Variants in FAM53B observed in about 807,000 individuals in gnomAD.
FAM53B encodes protein FAM53B.
In FAM53B, 12 loss-of-function variants were observed where a neutral mutation model predicts 32.7. That is an observed-to-expected ratio of 0.37 (90% CI 0.24 to 0.59). The LOEUF (loss-of-function observed/expected upper bound fraction) is 0.59, where lower values mean the gene tolerates loss of function less well. Among genes scored for constraint, FAM53B ranks in the 20% least tolerant of loss-of-function variants. The pLI is 0.72. For missense variants in FAM53B, 477 were observed against 577.7 expected, an observed-to-expected ratio of 0.83 and a Z score of 1.79; for synonymous variants, 234 against 228.7, an observed-to-expected ratio of 1.02 and a Z score of -0.21.
intron 4 of FAM53B, among the ~76,000 whole-genome samples, chr10:124,642,365 C>T (rs967649024): frequency 6.6e-5 from 10 of 152,184 alleles, no homozygotes; most frequent in Non-Finnish European, 1.2e-4. Context: ...AACGCCTCTC[C>T]GGTGGTTGTG....
Position 124,622,150 on chromosome 10 carries a change from C to T in FAM53B, c.*1092G>A, listed in dbSNP as rs535049471. The T allele has an allele frequency of 1.2e-4, 19 of 152,264 alleles. No individual in the cohort carries two copies. Among genetic ancestry groups the T allele is most frequent in the East Asian group, 3.9e-4 (2 of 5,170 alleles). The allele number at this position is 152,264 out of a possible 1,614,324, so 9.4% of individuals were successfully genotyped here. ...TGGGCTCCCCCTAAGCTGACAAGGGCGTGGGCTTGTCTTGAGGTGGGTGAT... is the reference window on the plus strand; with the variant it reads ...TGGGCTCCCCCTAAGCTGACAAGGGTGTGGGCTTGTCTTGAGGTGGGTGAT... On this transcript the variant is annotated 3_prime_UTR_variant, in exon 5 of 5. Transcript: ENST00000337318.
chr10:124,670,360 G>A (rs1305546422), intron 4 of FAM53B, among the ~76,000 whole-genome samples: 1 of 152,122 alleles, frequency 6.6e-6, no homozygotes, highest in African/African-American at 2.4e-5. Flanking sequence ...TAGCAGTCAG[G>A]TAAGGCAGGT....
chr10:124,743,521 T>C (rs532034513), intron 1 of FAM53B, among the ~76,000 whole-genome samples: 1 of 151,782 alleles, frequency 6.6e-6, no homozygotes, highest in African/African-American at 2.4e-5. Flanking sequence ...ACCCCGGGGG[T>C]GGCGGGTGCA....
chr10:124,690,162 T>C (rs1949825000), intron 3 of FAM53B, among the ~76,000 whole-genome samples: 1 of 152,212 alleles, frequency 6.6e-6, no homozygotes, highest in Non-Finnish European at 1.5e-5. Flanking sequence ...GCAGAGCTTT[T>C]CACGAAACTG....
chr10:124,704,336 G>A (rs1169186584), intron 2 of FAM53B: 1 of 152,252 alleles, frequency 6.6e-6, no homozygotes, highest in East Asian at 1.9e-4. Flanking sequence ...CAACAAGTAA[G>A]AGAGACATCC....
intron 4 of FAM53B, among the ~76,000 whole-genome samples, chr10:124,630,214 A>G (rs528114638): frequency 1.3e-5 from 2 of 152,356 alleles, no homozygotes; most frequent in Admixed American, 6.5e-5. Flanking sequence ...GGAGTTTGAG[A>G]TCAGCCTGGG....
chr10:124,732,193 T>C (rs1950147970), intron 1 of FAM53B, among the ~76,000 whole-genome samples: 1 of 152,192 alleles, frequency 6.6e-6, no homozygotes, highest in Non-Finnish European at 1.5e-5. Context: ...GTGCCTGGGC[T>C]CCAGCTCTCG....
intron 1 of FAM53B, among the ~76,000 whole-genome samples, chr10:124,734,335 T>C (rs1034628715): frequency 6.6e-6 from 1 of 152,196 alleles, no homozygotes; most frequent in African/African-American, 2.4e-5. Flanking sequence ...TTACTCCACA[T>C]TGATTGAACT....
rs79363634 is a variant in FAM53B at position 124,662,461 on chromosome 10, C to CCCAT, written c.906+19142_906+19145dup. Among the ~76,000 whole-genome samples, 681 of 119,880 alleles carry CCCAT rather than the reference C, an allele frequency of 5.7e-3. 8 individuals are homozygous for CCCAT. Among genetic ancestry groups the CCCAT allele is most frequent in the African/African-American group, 0.017 (592 of 34,666 alleles). The allele number at this position is 119,880 out of a possible 152,430, so 78.6% of individuals were successfully genotyped here. A position where few individuals can be genotyped will look rare whatever the true frequency, so the allele number is the denominator to read the frequency against. On this transcript the variant is annotated intron_variant, in intron 4 of 4. Coordinates refer to ENST00000337318, the MANE Select transcript of FAM53B (RefSeq NM_014661.4). ...ATCCACCCACCCACACACCCACCCA[C>CCCAT]CCATCCATCCATCCATCCATCCATC...
intron 3 of FAM53B, among the ~76,000 whole-genome samples, chr10:124,688,432 C>T (rs935125875): frequency 3.9e-5 from 6 of 152,236 alleles, no homozygotes; most frequent in African/African-American, 1.4e-4. Flanking sequence ...AGAGCGTGTG[C>T]ATTTGTGTGT....
At chr10:124,674,958 A>G (rs1038119274) in intron 4 of FAM53B, among the ~76,000 whole-genome samples, 7 of 152,226 alleles carry the variant, frequency 4.6e-5, no homozygotes, top group African/African-American at 1.7e-4. Flanking sequence ...GGGGCCTCCC[A>G]GAGTCTCATA....
Position 124,651,574 on chromosome 10 carries a change from C to T in FAM53B, c.907-27970G>A, listed in dbSNP as rs572236240. 6.6e-6 allele frequency among the ~76,000 whole-genome samples: 1 copy of T among 152,332 alleles called. No homozygotes were observed. The highest frequency in any genetic ancestry group is 2.4e-5 in the African/African-American group (1 of 41,588). ...CACCAGGGACCTGGACTATGCACCC[C>T]ACTCCTCCTGCTGCTCTCCCCTGCC... is the stretch of plus-strand genomic sequence containing the variant. On this transcript the variant is annotated intron_variant, in intron 4 of 4. Coordinates refer to ENST00000337318, the MANE Select transcript of FAM53B (RefSeq NM_014661.4). This position sits in a 1 kb window ranked among gnomAD's most constrained non-coding sequence, Gnocchi z 5.2.
chr10:124,644,095 G>T lies in FAM53B; in HGVS notation c.907-20491C>A, dbSNP rs562320106. ...CCGGTGCCTGCTCCCAGGGCACCTG[G>T]TGGGCCACAAGCCACCAGGCCTTGA... is the stretch of plus-strand genomic sequence containing the variant. On this transcript the variant is annotated intron_variant, in intron 4 of 4. Coordinates refer to ENST00000337318, the MANE Select transcript of FAM53B (RefSeq NM_014661.4). Among the ~76,000 whole-genome samples the T allele has an allele frequency of 4.6e-5, 7 of 152,306 alleles. No homozygotes were observed. In the East Asian group the frequency reaches 1.2e-3, roughly 25 times the overall value.
At chr10:124,625,045 CCTG>C (rs1949337606) in intron 4 of FAM53B, among the ~76,000 whole-genome samples, 1 of 152,246 alleles carries the variant, frequency 6.6e-6, no homozygotes, top group African/African-American at 2.4e-5. Flanking sequence ...TCGCCGCACG[CCTG>C]CTGACGCCAA....
intron 1 of FAM53B, among the ~76,000 whole-genome samples, chr10:124,707,651 A>G (rs1949970028): frequency 1.3e-5 from 2 of 152,222 alleles, no homozygotes; most frequent in Non-Finnish European, 2.9e-5. Context: ...AGGCAGGAGA[A>G]TCGCTTGAAC....
intron 4 of FAM53B, among the ~76,000 whole-genome samples, chr10:124,660,441 T>C (rs1949623769): frequency 6.6e-6 from 1 of 152,186 alleles, no homozygotes; most frequent in South Asian, 2.1e-4. Flanking sequence ...TGAGATCCGT[T>C]GAATACAACT....
At chr10:124,689,832 G>C (rs957313740) in intron 3 of FAM53B, among the ~76,000 whole-genome samples, 3 of 152,236 alleles carry the variant, frequency 2.0e-5, no homozygotes, top group Non-Finnish European at 4.4e-5. Context: ...CTGGGAAGAG[G>C]GGCCTCAATC....
intron 2 of FAM53B, among the ~76,000 whole-genome samples, chr10:124,696,975 A>G (rs950225988): frequency 2.0e-5 from 3 of 152,178 alleles, no homozygotes; most frequent in Non-Finnish European, 4.4e-5. Context: ...CGAGGCCTAG[A>G]AGAACCCCAA....
At chr10:124,640,756 G>C (rs897508330) in intron 4 of FAM53B, among the ~76,000 whole-genome samples, 1 of 152,202 alleles carries the variant, frequency 6.6e-6, no homozygotes, top group Non-Finnish European at 1.5e-5. Flanking sequence ...GAGTGAGTGG[G>C]GAGGATCTAG....
Sources: allele counts gnomAD v4.1 joint callset (sites outside exome capture counted in the v4.1 genomes callset), GRCh38; gene constraint gnomAD v4.1.1; non-coding constraint Gnocchi (gnomAD v3.1); transcripts MANE v1.5; gene names NCBI Gene and HGNC (gene_info 2026-07-23, HGNC 2026-07-21).